Variants in TMEM232 observed in about 807,000 individuals in gnomAD.
TMEM232 encodes the protein transmembrane protein 232.
Under a neutral mutation model 78.8 loss-of-function variants are expected in TMEM232, and 80 were observed. That is an observed-to-expected ratio of 1.01 (90% CI 0.85 to 1.22). The LOEUF (loss-of-function observed/expected upper bound fraction) is 1.22. Among genes scored for constraint, TMEM232 ranks in the 50% most tolerant of loss-of-function variants. TMEM232 has a pLI of 0.00. For synonymous variants in TMEM232, 297 were observed against 254.3 expected (o/e 1.17, Z -1.60); for missense variants, 881 against 742.2 (o/e 1.19, Z -2.17).
At chr5:110,454,679 G>C (rs1169318319) in intron 12 of TMEM232, among the ~76,000 whole-genome samples, 1 of 151,822 alleles carries the variant, frequency 6.6e-6, no homozygotes. Flanking sequence ...TGCAGTTAAA[G>C]CAATACTTAG....
At chr5:110,489,703 G>A (rs958722411) in intron 12 of TMEM232, among the ~76,000 whole-genome samples, 2 of 152,050 alleles carry the variant, frequency 1.3e-5, no homozygotes, top group African/African-American at 4.8e-5. Context: ...AAATGAGGAA[G>A]TTAAACTATT....
intron 2 of TMEM232, among the ~76,000 whole-genome samples, chr5:110,401,503 C>T (rs1755595440): frequency 1.3e-5 from 2 of 152,072 alleles, no homozygotes; most frequent in African/African-American, 4.8e-5. Flanking sequence ...TATCTTCCAT[C>T]ACTTGCTGGG....
chr5:110,493,040 T>C (rs540376938), intron 12 of TMEM232, among the ~76,000 whole-genome samples: 2 of 151,990 alleles, frequency 1.3e-5, no homozygotes, highest in Admixed American at 6.6e-5. Context: ...ATTCTCTACT[T>C]TTCTACCTGT....
intron 2 of TMEM232, among the ~76,000 whole-genome samples, chr5:110,663,657 A>G (rs997809371): frequency 2.2e-5 from 3 of 135,776 alleles, no homozygotes; most frequent in Non-Finnish European, 5.0e-5. Flanking sequence ...AGTCTCCCCA[A>G]ATTGATCTGT....
At chr5:110,732,154 T>C (rs1798730414) in intron 2 of TMEM232, among the ~76,000 whole-genome samples, 1 of 152,188 alleles carries the variant, frequency 6.6e-6, no homozygotes, top group Non-Finnish European at 1.5e-5. Flanking sequence ...GTTCCTCATA[T>C]TCATCTGAGA....
At chr5:110,484,607 C>T (rs986119878) in intron 12 of TMEM232, among the ~76,000 whole-genome samples, 25 of 151,334 alleles carry the variant, frequency 1.7e-4, no homozygotes, top group African/African-American at 6.1e-4. Flanking sequence ...ACATATAGGC[C>T]GAAAGTAAAA....
At chr5:110,675,668 A>C (rs72773143) in intron 1 of TMEM232, among the ~76,000 whole-genome samples, 13,060 of 152,150 alleles carry the variant, frequency 0.086, 585 homozygotes, top group Admixed American at 0.12. Flanking sequence ...GACAAATAAG[A>C]ATTGTATATA....
At chr5:110,465,518 A>ATATGT in intron 12 of TMEM232, among the ~76,000 whole-genome samples, 1 of 152,256 alleles carries the variant, frequency 6.6e-6, no homozygotes, top group East Asian at 1.9e-4. Flanking sequence ...TTCTTTGTGT[A>ATATGT]TATGTTTATT....
At chr5:110,584,877 A>AT (rs1778630030) in intron 10 of TMEM232, among the ~76,000 whole-genome samples, 1 of 151,946 alleles carries the variant, frequency 6.6e-6, no homozygotes, top group Non-Finnish European at 1.5e-5. Context: ...AATCTATCTT[A>AT]TTTTTTCTTC....
intron 1 of TMEM232, among the ~76,000 whole-genome samples, chr5:110,722,792 T>C (rs903260952): frequency 4.6e-5 from 7 of 152,160 alleles, no homozygotes; most frequent in Non-Finnish European, 7.4e-5. Flanking sequence ...ACCACAGCCA[T>C]AGTACTTTTT....
chr5:110,706,044 T>C (rs891297833), intron 1 of TMEM232, among the ~76,000 whole-genome samples: 1 of 152,010 alleles, frequency 6.6e-6, no homozygotes, highest in African/African-American at 2.4e-5. Context: ...ACTGGCTTCA[T>C]AGGGAAGTTA....
chr5:110,497,910 A>G (rs1765806799), intron 12 of TMEM232, among the ~76,000 whole-genome samples: 1 of 152,170 alleles, frequency 6.6e-6, no homozygotes, highest in African/African-American at 2.4e-5. Flanking sequence ...GACTCTAAAG[A>G]ATCTAATTCT....
chr5:110,718,048 G>C lies in TMEM232; in HGVS notation c.-13+8579C>G, dbSNP rs550912103. On this transcript the variant is annotated intron_variant, in intron 1 of 13. Transcript: ENST00000455884. ...AACTAAGAAGGATCTGAATATTTTT[G>C]GTCTTTAATTATCCAATTATTTCAC... Among the ~76,000 whole-genome samples the C allele has an allele frequency of 4.0e-5, 6 of 151,840 alleles. No homozygotes were observed. The South Asian group carries it at 1.0e-3, about 26-fold the overall frequency.
At chr5:110,668,819 G>A (rs1369415069) in intron 1 of TMEM232, among the ~76,000 whole-genome samples, 1 of 152,150 alleles carries the variant, frequency 6.6e-6, no homozygotes, top group African/African-American at 2.4e-5. Flanking sequence ...TCAGGATTAA[G>A]AAACTCACTC....
Position 110,537,480 on chromosome 5 carries a change from C to T in TMEM232, c.1456-8645G>A, listed in dbSNP as rs75833146. Among the ~76,000 whole-genome samples, 999 of 151,986 alleles carry T rather than the reference C, an allele frequency of 6.6e-3. 6 individuals are homozygous for T. Among genetic ancestry groups the T allele is most frequent in the Non-Finnish European group, 0.01 (700 of 68,004 alleles). On this transcript the variant is annotated intron_variant, in intron 11 of 13. Coordinates refer to ENST00000455884, the MANE Select transcript of TMEM232 (RefSeq NM_001039763.4). The stretch of plus-strand genomic sequence containing the variant: ...CCCTATACCAAAACCTAACAATCTG[C>T]AAAACTCCCAGAACCAGCCCCCCAA...
intron 11 of TMEM232, among the ~76,000 whole-genome samples, chr5:110,547,679 A>G (rs1773941212): frequency 6.6e-6 from 1 of 152,106 alleles, no homozygotes; most frequent in East Asian, 1.9e-4. Flanking sequence ...AGTCAATGAA[A>G]TCATCCTTCA....
chr5:110,525,505 T>C (rs986068284), intron 12 of TMEM232, among the ~76,000 whole-genome samples: 3 of 151,950 alleles, frequency 2.0e-5, no homozygotes, highest in Non-Finnish European at 2.9e-5. Context: ...GCAAGGCATA[T>C]ATGAAAACAT....
At chr5:110,647,143 C>T (rs1411236144) in intron 2 of TMEM232, among the ~76,000 whole-genome samples, 2 of 151,730 alleles carry the variant, frequency 1.3e-5, no homozygotes, top group Admixed American at 6.6e-5. Flanking sequence ...TGTATGTGTA[C>T]AAAAAAACTT....
intron 12 of TMEM232, among the ~76,000 whole-genome samples, chr5:110,437,861 C>T (rs1758604999): frequency 6.6e-6 from 1 of 152,106 alleles, no homozygotes; most frequent in Non-Finnish European, 1.5e-5. Flanking sequence ...ATTGGGCTTG[C>T]TTCTTGTACC....
Sources: gnomAD v4.1 joint callset for allele counts (sites outside exome capture counted in the v4.1 genomes callset) on GRCh38, gnomAD v4.1.1 for gene constraint, MANE v1.5 for transcripts, NCBI Gene and HGNC (gene_info 2026-07-23, HGNC 2026-07-21) for gene names.